Variants in PPP2R5E observed in about 807,000 individuals in gnomAD.
PPP2R5E encodes the protein protein phosphatase 2 regulatory subunit B'epsilon.
Under a neutral mutation model 65.3 loss-of-function variants are expected in PPP2R5E, and 4 were observed. The ratio of observed to expected loss-of-function variants is 0.06; its 90% CI spans 0.03 to 0.14. PPP2R5E has a LOEUF of 0.14. Among genes scored for constraint, PPP2R5E ranks in the 10% least tolerant of loss-of-function variants. The pLI is 1.00. For synonymous variants in PPP2R5E, 183 were observed against 187.4 expected (o/e 0.98, Z 0.19); for missense variants, 274 against 556.1 (o/e 0.49, Z 5.10).
chr14:63,470,093 A>G (rs1890040129), intron 2 of PPP2R5E, among the ~76,000 whole-genome samples: 1 of 151,596 alleles, frequency 6.6e-6, no homozygotes, highest in Non-Finnish European at 1.5e-5. Context: ...TTTTTTTGAG[A>G]CAAGGTCTCA....
chr14:63,514,500 TA>T (rs897859387), intron 2 of PPP2R5E, among the ~76,000 whole-genome samples: 24 of 144,362 alleles, frequency 1.7e-4, no homozygotes, highest in Middle Eastern at 3.5e-3. Context: ...CTCTCTTCAT[TA>T]AAAAAAAAAG....
intron 7 of PPP2R5E, among the ~76,000 whole-genome samples, chr14:63,394,168 G>A (rs1210405502): frequency 3.5e-5 from 5 of 141,848 alleles, no homozygotes; most frequent in South Asian, 4.5e-4. Context: ...TGCAACCTTC[G>A]CCTCCGGGAT....
chr14:63,393,747 T>C, intron 8 of PPP2R5E, 73 bp downstream of exon 8: 4 of 1,021,210 alleles, frequency 3.9e-6, no homozygotes, highest in Non-Finnish European at 4.4e-6. Context: ...ATGAAGGTTA[T>C]ATCAATATCA....
intron 2 of PPP2R5E, among the ~76,000 whole-genome samples, chr14:63,532,778 G>A (rs1332897083): frequency 6.6e-6 from 1 of 152,176 alleles, no homozygotes; most frequent in Non-Finnish European, 1.5e-5. Flanking sequence ...AAACCCATGC[G>A]ACAATGTATC....
chr14:63,385,371 C>T (rs1164732320), intron 11 of PPP2R5E, among the ~76,000 whole-genome samples: 3 of 152,084 alleles, frequency 2.0e-5, no homozygotes, highest in Non-Finnish European at 2.9e-5. Context: ...AGTGGTTCAT[C>T]GACTCAGGGA....
intron 2 of PPP2R5E, among the ~76,000 whole-genome samples, chr14:63,491,504 T>C (rs979111571): frequency 6.6e-6 from 1 of 152,162 alleles, no homozygotes; most frequent in African/African-American, 2.4e-5. Context: ...TGGTTACATG[T>C]TGAAATGATA....
At chr14:63,481,579 T>TTA (rs1890705396) in intron 2 of PPP2R5E, among the ~76,000 whole-genome samples, 1 of 152,064 alleles carries the variant, frequency 6.6e-6, no homozygotes, top group South Asian at 2.1e-4. Context: ...AAGAGCTCAT[T>TTA]TATTTAATTT....
At chr14:63,531,194 A>C (rs975923300) in intron 2 of PPP2R5E, among the ~76,000 whole-genome samples, 2 of 152,158 alleles carry the variant, frequency 1.3e-5, no homozygotes, top group African/African-American at 4.8e-5. Context: ...AGAAAAAAAT[A>C]ACATATGTAT....
chr14:63,446,572 G>A (rs1888487679), intron 3 of PPP2R5E, among the ~76,000 whole-genome samples: 1 of 152,166 alleles, frequency 6.6e-6, no homozygotes, highest in Non-Finnish European at 1.5e-5. Flanking sequence ...GCTCACGCCT[G>A]TAATTCCAGC....
At chr14:63,462,860 T>C (rs1356649673) in intron 2 of PPP2R5E, among the ~76,000 whole-genome samples, 1 of 151,988 alleles carries the variant, frequency 6.6e-6, no homozygotes, top group Admixed American at 6.6e-5. Flanking sequence ...CCCAGCACTT[T>C]GGGAGGCCGA....
At chr14:63,498,524 C>G (rs923850538) in intron 2 of PPP2R5E, among the ~76,000 whole-genome samples, 1 of 151,880 alleles carries the variant, frequency 6.6e-6, no homozygotes, top group Non-Finnish European at 1.5e-5. Context: ...AATACAATAA[C>G]AAAACATTTT....
chr14:63,402,070 A>G (rs995388482), intron 5 of PPP2R5E, among the ~76,000 whole-genome samples: 1 of 145,874 alleles, frequency 6.9e-6, no homozygotes, highest in African/African-American at 2.8e-5. Context: ...GACATCATAC[A>G]CGTTAAGTAA....
chr14:63,451,746 A>G (rs906453275), intron 3 of PPP2R5E: 5 of 151,924 alleles, frequency 3.3e-5, no homozygotes, highest in East Asian at 1.9e-4. Context: ...AGGATCATCA[A>G]TTGTAACAAA....
intron 5 of PPP2R5E, among the ~76,000 whole-genome samples, chr14:63,410,634 C>G (rs553663261): frequency 6.6e-6 from 1 of 152,054 alleles, no homozygotes. Flanking sequence ...GCACCGGGAG[C>G]GAAGGTAAGT....
chr14:63,422,189 A>C (rs1268652497), intron 3 of PPP2R5E, 95 bp from the exon 4 acceptor site: 1 of 975,942 alleles, frequency 1.0e-6, no homozygotes, highest in Non-Finnish European at 1.6e-6. Flanking sequence ...CCCAGATAAC[A>C]ATGCACAAGG....
rs1883932231 is a variant in PPP2R5E at position 63,375,347 on chromosome 14, C to T, written c.*662G>A. Reference sequence around the variant, plus strand: ...ATTCCCTTCCCTACTATGTTTATCACCTCTTCTCTCTTAACTCCTAATTTT... The same window carrying T: ...ATTCCCTTCCCTACTATGTTTATCATCTCTTCTCTCTTAACTCCTAATTTT... On this transcript the variant is annotated 3_prime_UTR_variant, in exon 14 of 14. Coordinates refer to ENST00000337537, the MANE Select transcript of PPP2R5E (RefSeq NM_006246.5). 1 of 152,574 alleles carries T rather than the reference C, an allele frequency of 6.6e-6. No homozygotes were observed. Among genetic ancestry groups the T allele is most frequent in the Admixed American group, 6.5e-5 (1 of 15,278 alleles). 9.5% of individuals were successfully genotyped at this position (152,574 alleles called of 1,614,324 possible).
chr14:63,438,355 T>C (rs773506082), intron 3 of PPP2R5E, among the ~76,000 whole-genome samples: 11 of 152,240 alleles, frequency 7.2e-5, no homozygotes, highest in Non-Finnish European at 1.2e-4. Flanking sequence ...GAGCTGGGAT[T>C]ATCCAAGACC....
chr14:63,489,060 T>C (rs981596284), intron 2 of PPP2R5E, among the ~76,000 whole-genome samples: 7 of 151,996 alleles, frequency 4.6e-5, no homozygotes, highest in African/African-American at 1.7e-4. Context: ...ACACAGATGG[T>C]TAACGACAGA....
At chr14:63,422,188 C>A in intron 3 of PPP2R5E, 94 bp from the exon 4 acceptor site, 2 of 991,348 alleles carry the variant, frequency 2.0e-6, no homozygotes, top group Non-Finnish European at 3.1e-6. Context: ...ACCCAGATAA[C>A]AATGCACAAG....
Sources: gnomAD v4.1 joint callset for allele counts (sites outside exome capture counted in the v4.1 genomes callset) on GRCh38, gnomAD v4.1.1 for gene constraint, MANE v1.5 for transcripts, NCBI Gene and HGNC (gene_info 2026-07-23, HGNC 2026-07-21) for gene names.